Variants in DGKB observed in about 807,000 individuals in gnomAD.
DGKB encodes 90 kDa diacylglycerol kinase.
Under a neutral mutation model 114.3 loss-of-function variants are expected in DGKB, and 67 were observed. That is an observed-to-expected ratio of 0.59 (90% CI 0.48 to 0.72). DGKB has a LOEUF of 0.72. DGKB is among the 30% of genes least tolerant of loss of function. The probability of loss-of-function intolerance (pLI) is 0.00; values close to 1 mark genes in which losing one functional copy is unlikely to be tolerated. For synonymous variants in DGKB, 398 were observed against 323.1 expected, an observed-to-expected ratio of 1.23 and a Z score of -2.49; for missense variants, 907 against 975.2, an observed-to-expected ratio of 0.93 and a Z score of 0.93.
chr7:14,806,441 T>C (rs1842804337), intron 2 of DGKB, among the ~76,000 whole-genome samples: 1 of 152,064 alleles, frequency 6.6e-6, no homozygotes, highest in South Asian at 2.1e-4. Context: ...ACCTAGCTCT[T>C]TACTGCTAGT....
chr7:14,847,082 A>T (rs558040120), intron 1 of DGKB, among the ~76,000 whole-genome samples: 126 of 152,204 alleles, frequency 8.3e-4, no homozygotes, highest in African/African-American at 2.9e-3. Flanking sequence ...CGAGGTCAGG[A>T]GATCGAGACC....
chr7:14,228,759 T>G (rs1791235427), intron 23 of DGKB, among the ~76,000 whole-genome samples: 1 of 152,054 alleles, frequency 6.6e-6, no homozygotes, highest in South Asian at 2.1e-4. Flanking sequence ...ATACTCAACC[T>G]CTACCATTGC....
intron 21 of DGKB, among the ~76,000 whole-genome samples, chr7:14,477,040 G>A (rs557879539): frequency 1.4e-4 from 21 of 152,110 alleles, no homozygotes; most frequent in African/African-American, 4.6e-4. Context: ...GTGAGCCACC[G>A]TGCCCGGCCT....
chr7:14,845,463 A>G (rs572170745), intron 1 of DGKB, among the ~76,000 whole-genome samples: 29 of 152,324 alleles, frequency 1.9e-4, no homozygotes, highest in Admixed American at 5.9e-4. Context: ...CAAAACACCT[A>G]AAAGTACTAG....
chr7:14,595,511 G>T (rs1022080907), intron 17 of DGKB, among the ~76,000 whole-genome samples: 1 of 142,074 alleles, frequency 7.0e-6, no homozygotes, highest in African/African-American at 2.7e-5. Context: ...ATTATGTAGG[G>T]CCTGATGTTT....
chr7:14,179,460 A>C (rs974113422), intron 23 of DGKB, among the ~76,000 whole-genome samples: 4 of 152,222 alleles, frequency 2.6e-5, no homozygotes, highest in African/African-American at 7.2e-5. Flanking sequence ...TGATTATTAT[A>C]CAAGAAAGCC....
chr7:14,148,718 G>A lies in DGKB; in HGVS notation c.*413C>T, dbSNP rs1781750354. On this transcript the variant is annotated 3_prime_UTR_variant, in exon 26 of 26. Coordinates refer to ENST00000402815, the MANE Select transcript of DGKB (RefSeq NM_001350709.2). ...GAAACGTATAGCAATCTGCAATTAT[G>A]ATCATTGTAGCGTTACTGATTAGTG... The A allele has an allele frequency of 4.5e-6, 1 of 221,768 alleles. No homozygotes were observed. The highest frequency in any genetic ancestry group is 9.1e-6 in the Non-Finnish European group (1 of 110,158). The allele number at this position is 221,768 out of a possible 1,614,324, so 13.7% of individuals were successfully genotyped here. A position where few individuals can be genotyped will look rare whatever the true frequency, so the allele number is the denominator to read the frequency against.
chr7:14,825,464 C>T (rs1471058395), intron 2 of DGKB, among the ~76,000 whole-genome samples: 2 of 152,076 alleles, frequency 1.3e-5, no homozygotes, highest in Non-Finnish European at 2.9e-5. Flanking sequence ...TGACAGATAT[C>T]GGATATTATA....
intron 21 of DGKB, among the ~76,000 whole-genome samples, chr7:14,469,762 A>C (rs1780999825): frequency 6.6e-6 from 1 of 152,086 alleles, no homozygotes; most frequent in Non-Finnish European, 1.5e-5. Context: ...TGAATCGAGG[A>C]GCATAGTAAA....
At chr7:14,427,243 C>T (rs1827720241) in intron 21 of DGKB, among the ~76,000 whole-genome samples, 1 of 152,096 alleles carries the variant, frequency 6.6e-6, no homozygotes, top group African/African-American at 2.4e-5. Context: ...GGCAAAATGC[C>T]ACCAGTCATT....
intron 23 of DGKB, among the ~76,000 whole-genome samples, chr7:14,291,206 A>G (rs997131488): frequency 3.9e-5 from 6 of 152,002 alleles, no homozygotes. Flanking sequence ...CTATGACGTA[A>G]GTAAGGCCAA....
At chr7:14,179,819 T>C (rs891171467) in intron 23 of DGKB, among the ~76,000 whole-genome samples, 4 of 152,228 alleles carry the variant, frequency 2.6e-5, no homozygotes, top group African/African-American at 9.6e-5. Context: ...GTAAAAACAA[T>C]ATTTTAGCTA....
chr7:14,170,653 G>A (rs1238808404), intron 25 of DGKB, among the ~76,000 whole-genome samples: 1 of 152,116 alleles, frequency 6.6e-6, no homozygotes, highest in Non-Finnish European at 1.5e-5. Context: ...AGCGATTAAA[G>A]AGTAACTAAC....
chr7:14,326,683 T>C (rs1372624519), intron 23 of DGKB, among the ~76,000 whole-genome samples: 1 of 152,192 alleles, frequency 6.6e-6, no homozygotes, highest in Admixed American at 6.5e-5. Context: ...GATTTGTTTC[T>C]TAGAGAACCT....
Position 14,147,844 on chromosome 7 carries a change from T to C in DGKB, c.*1287A>G, listed in dbSNP as rs901770155. ...ACTGTTCTGTGATTTCTTTAAACAG[T>C]CAGAGACTCCAACTATGCCATGAAC... On this transcript the variant is annotated 3_prime_UTR_variant, in exon 26 of 26. Transcript: ENST00000402815. 2.0e-5 allele frequency: 3 copies of C among 152,244 alleles called. No individual in the cohort carries two copies. The highest frequency in any genetic ancestry group is 7.3e-5 in the African/African-American group (3 of 41,240). The allele number at this position is 152,244 out of a possible 1,614,324, so 9.4% of individuals were successfully genotyped here.
At chr7:14,876,969 C>A (rs1304374267) in intron 1 of DGKB, among the ~76,000 whole-genome samples, 1 of 152,130 alleles carries the variant, frequency 6.6e-6, no homozygotes, top group East Asian at 1.9e-4. Context: ...TTAGACCATG[C>A]CTGTGATTTC....
rs149737417 is a variant in DGKB, at chr7:14,350,118, C to T, written c.1836-4727G>A. On this transcript the variant is annotated intron_variant, in intron 21 of 25. Transcript: ENST00000402815. ...TGGCTACCAGATAGCCAGGTAAAGA[C>T]GAAGAAATTGGCTCCCATTTACCTG... Among the ~76,000 whole-genome samples, 96 of 152,198 alleles carry T rather than the reference C, an allele frequency of 6.3e-4. 1 individual carries two copies. The highest frequency in any genetic ancestry group is 1.0e-3 in the South Asian group (5 of 4,830).
chr7:14,198,619 G>A (rs938547467), intron 23 of DGKB, among the ~76,000 whole-genome samples: 1 of 151,960 alleles, frequency 6.6e-6, no homozygotes, highest in Non-Finnish European at 1.5e-5. Context: ...CTGCCAAACT[G>A]GCTAAAAAAT....
chr7:14,163,222 A>G (rs1389645505), intron 25 of DGKB, among the ~76,000 whole-genome samples: 3 of 152,324 alleles, frequency 2.0e-5, no homozygotes, highest in Non-Finnish European at 2.9e-5. Flanking sequence ...TTAATTGGAA[A>G]TTAGTCACAA....
Sources: gnomAD v4.1 joint callset for allele counts (sites outside exome capture counted in the v4.1 genomes callset) on GRCh38, gnomAD v4.1.1 for gene constraint, MANE v1.5 for transcripts, NCBI Gene and HGNC (gene_info 2026-07-23, HGNC 2026-07-21) for gene names.